ITGAE: variants seen among roughly 807,000 people sequenced by gnomAD.
ITGAE encodes the protein integrin subunit alpha E, also known as integrin alpha-E.
In ITGAE, 99 loss-of-function variants were observed where a neutral mutation model predicts 136.5. The observed-to-expected ratio is 0.73, with a 90% CI of 0.62 to 0.86. The LOEUF is 0.86. Ranked by LOEUF, ITGAE falls within the 40% of genes least tolerant of loss-of-function variation. The probability of loss-of-function intolerance (pLI) is 0.00; values close to 1 mark genes in which losing one functional copy is unlikely to be tolerated. For missense variants in ITGAE, 1,447 were observed against 1,515.3 expected (o/e 0.95, Z 0.75); for synonymous variants, 613 against 591.8 (o/e 1.04, Z -0.52).
At chr17:3,772,401 A>C (rs1272816118) in intron 2 of ITGAE, among the ~76,000 whole-genome samples, 1 of 151,644 alleles carries the variant, frequency 6.6e-6, no homozygotes, top group Non-Finnish European at 1.5e-5. Context: ...ATACTTGCTG[A>C]ATGAATGAAT....
chr17:3,756,861 G>C, intron 10 of ITGAE, 123 bp downstream of exon 10: 1 of 1,069,078 alleles, frequency 9.4e-7, no homozygotes, highest in Non-Finnish European at 1.3e-6. Flanking sequence ...TTTAGACATG[G>C]AAGAGCTGAG....
chr17:3,762,307 G>A (rs181122869), intron 3 of ITGAE, among the ~76,000 whole-genome samples: 10 of 152,276 alleles, frequency 6.6e-5, no homozygotes, highest in Admixed American at 4.6e-4. Context: ...GGGTTTGGTC[G>A]GGCAGGTGGG....
Position 3,755,173 on chromosome 17 carries a change from A to C in ITGAE, c.1328T>G (p.Leu443Arg). The C allele has an allele frequency of 1.3e-6, 2 of 1,535,650 alleles. No individual in the cohort carries two copies. Among genetic ancestry groups the C allele is most frequent in the South Asian group, 1.1e-5 (1 of 87,002 alleles). Residue 443 changes from leucine to arginine, a missense_variant, in exon 12 of 31, where the codon CTG (leucine) becomes CGG (arginine). Around this residue, in one of 3 missense-constraint regions of ITGAE, gnomAD observed 1,031 missense variants for 1,011.4 expected, o/e 1.02. Coordinates refer to ENST00000263087, the MANE Select transcript of ITGAE (RefSeq NM_002208.5). ...YDTRSRRGRFLNQTAAAAADA... is the reference protein window; with the variant it reads ...YDTRSRRGRFRNQTAAAAADA... Reference sequence around the variant, plus strand: ...TGCCGCCGCCGCCGCTGTCTGGTTCAGGAAGCGGCCCCGGCGGCTGCGTGT... The same window carrying C: ...TGCCGCCGCCGCCGCTGTCTGGTTCCGGAAGCGGCCCCGGCGGCTGCGTGT...
intron 5 of ITGAE, 23 bp downstream of exon 5, chr17:3,761,380 G>A (rs756026539): frequency 1.3e-6 from 2 of 1,598,602 alleles, no homozygotes; most frequent in East Asian, 4.5e-5. Flanking sequence ...GCTATCCAAG[G>A]CCAGTGAATG....
At chr17:3,763,780 T>G (rs981813462) in intron 3 of ITGAE, 89 bp downstream of exon 3, 22 of 1,020,804 alleles carry the variant, frequency 2.2e-5, no homozygotes, top group Non-Finnish European at 3.3e-5. Flanking sequence ...GAGGCAGGGC[T>G]GGGGTTGGAA....
At chr17:3,748,147 A>C (rs1365605663) in intron 16 of ITGAE, 95 bp from the exon 17 acceptor site, 3 of 1,261,748 alleles carry the variant, frequency 2.4e-6, no homozygotes, top group African/African-American at 3.0e-5. Flanking sequence ...GTTCTCTATC[A>C]AACATGCCCA....
chr17:3,742,202 G>A (rs2915548), intron 19 of ITGAE, among the ~76,000 whole-genome samples: 108,196 of 152,206 alleles, frequency 0.71, 40,074 homozygotes, highest in African/African-American at 0.93. Flanking sequence ...AAAGACAAGG[G>A]AAGACTGAGT....
At chr17:3,718,761 G>C (rs966459589) in intron 29 of ITGAE, among the ~76,000 whole-genome samples, 19 of 152,316 alleles carry the variant, frequency 1.2e-4, no homozygotes, top group Admixed American at 1.0e-3. Context: ...TCCCTGCTGG[G>C]GGCATGGGAA....
chr17:3,782,250 G>A lies in ITGAE; in HGVS notation c.35-4590C>T, dbSNP rs1315359061. ...ACATCGCGCCATTGCACTCCAGCCC[G>A]GGTGAGAGAGTGAGACTCGGCCTCA... On this transcript the variant is annotated intron_variant, in intron 1 of 30. Transcript: ENST00000263087. Among the ~76,000 whole-genome samples, 8 of 138,112 alleles carry A rather than the reference G, an allele frequency of 5.8e-5. No individual in the cohort carries two copies. In the South Asian group the frequency reaches 7.2e-4, roughly 12 times the overall value. The allele number at this position is 138,112 out of a possible 152,430, so 90.6% of individuals were successfully genotyped here. A position where few individuals can be genotyped will look rare whatever the true frequency, so the allele number is the denominator to read the frequency against.
chr17:3,720,420 G>C lies in ITGAE; in HGVS notation c.3238-18C>G. On this transcript the variant is annotated intron_variant, in intron 28 of 30. Coordinates refer to ENST00000263087, the MANE Select transcript of ITGAE (RefSeq NM_002208.5). ...TTTAGTAACTAGAAGATGGGGAAAG[G>C]AATGAGGGAAACAAAACATATTTTA... 1.8e-6 allele frequency: 2 copies of C among 1,114,680 alleles called. No individual in the cohort carries two copies. The highest frequency in any genetic ancestry group is 1.2e-5 in the South Asian group (1 of 80,612). 69.0% of individuals were successfully genotyped at this position (1,114,680 alleles called of 1,614,324 possible).
chr17:3,731,053 A>C (rs1187021850), intron 23 of ITGAE, 51 bp downstream of exon 23: 5 of 1,447,198 alleles, frequency 3.5e-6, no homozygotes, highest in Non-Finnish European at 4.9e-6. Context: ...TGGCAGGGAG[A>C]TGTCTTCCGG....
chr17:3,719,882 C>T (rs549357906), intron 29 of ITGAE, among the ~76,000 whole-genome samples: 2 of 152,252 alleles, frequency 1.3e-5, no homozygotes, highest in Admixed American at 1.3e-4. Context: ...CACCCACCAT[C>T]ATGTCCGGCT....
chr17:3,723,923 G>A, intron 26 of ITGAE, 179 bp from the exon 27 acceptor site: 1 of 1,542,824 alleles, frequency 6.5e-7, no homozygotes, highest in African/African-American at 1.4e-5. Context: ...GAACCTCTTG[G>A]CGGGTGCCGG....
chr17:3,724,699 A>G, intron 26 of ITGAE: 1 of 1,614,178 alleles, frequency 6.2e-7, no homozygotes. Flanking sequence ...GGAACCCCTG[A>G]GGATTCTGAG....
At chr17:3,765,574 A>C (rs550654270) in intron 2 of ITGAE, among the ~76,000 whole-genome samples, 34 of 151,584 alleles carry the variant, frequency 2.2e-4, no homozygotes, top group Non-Finnish European at 4.7e-4. Flanking sequence ...AACTGAACCC[A>C]CCCCAAGCTG....
At chr17:3,793,753 T>C (rs1406078059) in intron 1 of ITGAE, among the ~76,000 whole-genome samples, 1 of 152,104 alleles carries the variant, frequency 6.6e-6, no homozygotes, top group African/African-American at 2.4e-5. Flanking sequence ...TTCACCGTGT[T>C]AGCCGGGATG....
intron 21 of ITGAE, among the ~76,000 whole-genome samples, chr17:3,734,610 A>G (rs1228221066): frequency 6.6e-6 from 1 of 152,148 alleles, no homozygotes; most frequent in Non-Finnish European, 1.5e-5. Flanking sequence ...GGCCGCACAT[A>G]GGGAGGGTGG....
chr17:3,741,843 G>A (rs188499885), intron 19 of ITGAE, among the ~76,000 whole-genome samples: 180 of 152,278 alleles, frequency 1.2e-3, no homozygotes, highest in Non-Finnish European at 1.9e-3. Context: ...TTGGGAGGCC[G>A]AGGAGGGTAG....
At chr17:3,733,960 A>G (rs568614386) in intron 21 of ITGAE, among the ~76,000 whole-genome samples, 84 of 152,350 alleles carry the variant, frequency 5.5e-4, no homozygotes, top group African/African-American at 1.7e-3. Flanking sequence ...GAAGCTCTCT[A>G]CCTCAGGTGG....
Sources: gnomAD v4.1 joint callset for allele counts (sites outside exome capture counted in the v4.1 genomes callset) on GRCh38, gnomAD v4.1.1 for gene constraint, gnomAD v4.1.1 regional missense constraint, MANE v1.5 for transcripts, NCBI Gene and HGNC (gene_info 2026-07-23, HGNC 2026-07-21) for gene names.